Variants in LRRC8D observed in about 807,000 individuals in gnomAD.
LRRC8D encodes the protein volume-regulated anion channel subunit LRRC8D.
A neutral mutation model predicts 55.8 loss-of-function variants in LRRC8D; 20 were observed. The ratio of observed to expected loss-of-function variants is 0.36; its 90% CI spans 0.25 to 0.52. LRRC8D has a LOEUF of 0.52. Ranked by LOEUF, LRRC8D falls within the 20% of genes least tolerant of loss-of-function variation. The pLI, the probability that LRRC8D is intolerant of heterozygous loss-of-function variation, is 0.93. For missense variants in LRRC8D, 651 were observed against 1,030.8 expected, an observed-to-expected ratio of 0.63 and a Z score of 5.05; for synonymous variants, 352 against 377.0, an observed-to-expected ratio of 0.93 and a Z score of 0.77.
intron 2 of LRRC8D, among the ~76,000 whole-genome samples, chr1:89,903,874 T>C (rs1257176127): frequency 3.9e-5 from 6 of 152,236 alleles, no homozygotes; most frequent in Non-Finnish European, 8.8e-5. Context: ...TCCCAAAACA[T>C]AAATGTATTT....
chr1:89,933,064 T>C lies in LRRC8D; in HGVS notation c.-2-3T>C, dbSNP rs1489971287. ...TAATGTCTTTTGTCTTCTTGTTTTCTAGGAATGTTTACCCTTGCGGAAGTT... is the reference window on the plus strand; with the variant it reads ...TAATGTCTTTTGTCTTCTTGTTTTCCAGGAATGTTTACCCTTGCGGAAGTT... On this transcript the variant is annotated splice_region_variant and splice_polypyrimidine_tract_variant and intron_variant, in intron 2 of 2. Transcript: ENST00000337338. This position sits in a 1 kb window ranked among gnomAD's most constrained non-coding sequence, Gnocchi z 7.0. The C allele has an allele frequency of 6.3e-7, 1 of 1,598,306 alleles. No individual in the cohort carries two copies. The highest frequency in any genetic ancestry group is 2.2e-5 in the East Asian group (1 of 44,480).
At chr1:89,863,513 T>C (rs1661770330) in intron 2 of LRRC8D, among the ~76,000 whole-genome samples, 1 of 152,184 alleles carries the variant, frequency 6.6e-6, no homozygotes, top group Non-Finnish European at 1.5e-5. Context: ...ACTTTCAAGA[T>C]GCTGAAAATG....
At chr1:89,896,851 C>G (rs1662726949) in intron 2 of LRRC8D, among the ~76,000 whole-genome samples, 1 of 152,132 alleles carries the variant, frequency 6.6e-6, no homozygotes. Flanking sequence ...TAAACATATT[C>G]ACATATTCTC....
intron 1 of LRRC8D, among the ~76,000 whole-genome samples, chr1:89,825,994 A>G (rs1159381976): frequency 1.3e-5 from 2 of 152,174 alleles, no homozygotes; most frequent in African/African-American, 4.8e-5. Flanking sequence ...GGCTGTCCAG[A>G]TGGTGCAGTC....
intron 1 of LRRC8D, among the ~76,000 whole-genome samples, chr1:89,827,841 GAA>G (rs1660800012): frequency 6.6e-6 from 1 of 152,224 alleles, no homozygotes; most frequent in Admixed American, 6.5e-5. Context: ...AGGAATGAAA[GAA>G]GAGGTATACC....
chr1:89,867,388 T>C (rs908678319), intron 2 of LRRC8D, among the ~76,000 whole-genome samples: 3 of 152,242 alleles, frequency 2.0e-5, no homozygotes, highest in Non-Finnish European at 4.4e-5. Context: ...TGTATAAATA[T>C]GCCAGATTTT....
In LRRC8D at chr1:89,933,479, A is replaced by G. The variant is rs1663764503; in HGVS notation, c.411A>G (p.Arg137=). ...AKKEKKDPTG[R]KTNLDFQQYV... is the part of the protein sequence containing the mutation. ...AAGAGAAGAAAGATCCAACAGGTCG[A>G]AAAACAAACTTGGATTTTCAGCAAT... is the stretch of plus-strand genomic sequence containing the variant. The change falls in exon 3 of 3, where the codon CGA becomes CGG. Residue 137 remains arginine (R), a synonymous_variant. Transcript: ENST00000337338. This position sits in a 1 kb window ranked among gnomAD's most constrained non-coding sequence, Gnocchi z 7.0. 6.2e-7 allele frequency: 1 copy of G among 1,614,086 alleles called. No individual in the cohort carries two copies. The highest frequency in any genetic ancestry group is 1.1e-5 in the South Asian group (1 of 91,084).
rs148952467 is a variant in LRRC8D, at chr1:89,875,726, C to A, written c.-3+31944C>A. 1.1e-4 allele frequency among the ~76,000 whole-genome samples: 17 copies of A among 152,030 alleles called. No individual in the cohort carries two copies. The East Asian group carries it at 3.3e-3, about 30-fold the overall frequency. On this transcript the variant is annotated intron_variant, in intron 2 of 2. Transcript: ENST00000337338. ...TTAAATGAAATTTTTATTTATTTAACAAACACTTATAGAGGACTTACTCTA... is the reference window on the plus strand; with the variant it reads ...TTAAATGAAATTTTTATTTATTTAAAAAACACTTATAGAGGACTTACTCTA...
At chr1:89,872,457 A>G (rs1224930099) in intron 2 of LRRC8D, among the ~76,000 whole-genome samples, 1 of 152,192 alleles carries the variant, frequency 6.6e-6, no homozygotes, top group Non-Finnish European at 1.5e-5. Context: ...CCAGGACTTC[A>G]TTCTGTTATT....
chr1:89,915,115 A>G (rs1663232537), intron 2 of LRRC8D, among the ~76,000 whole-genome samples: 1 of 151,754 alleles, frequency 6.6e-6, no homozygotes, highest in South Asian at 2.1e-4. Context: ...TGAAAATGTA[A>G]ATGATTATGA....
At position 89,843,715 on chromosome 1, in the gene LRRC8D, C is replaced by A; in HGVS notation, c.-70C>A. 2 of 701,916 alleles carry A rather than the reference C, an allele frequency of 2.8e-6. No individual in the cohort carries two copies. Among genetic ancestry groups the A allele is most frequent in the Non-Finnish European group, 5.2e-6 (2 of 384,584 alleles). 43.5% of individuals were successfully genotyped at this position (701,916 alleles called of 1,614,324 possible). On this transcript the variant is annotated 5_prime_UTR_variant, in exon 2 of 3. Coordinates refer to ENST00000337338, the MANE Select transcript of LRRC8D (RefSeq NM_001134479.2). ...AGTCTCCTGTCGCCGTGGTTCCAGC[C>A]TCCGGAGCTCGCCCAAGCCGCGTCC...
rs923055566 is a variant in LRRC8D at position 89,856,031 on chromosome 1, T to C, written c.-3+12249T>C. ...AATTCAGAATGTACCTTTGGCATAT[T>C]TGAAATTGTCTTAGCCTAATGTGAC... On this transcript the variant is annotated intron_variant, in intron 2 of 2. Transcript: ENST00000337338. Among the ~76,000 whole-genome samples, 9 of 152,092 alleles carry C rather than the reference T, an allele frequency of 5.9e-5. No individual in the cohort carries two copies. In the East Asian group the frequency reaches 1.7e-3, roughly 29 times the overall value.
intron 2 of LRRC8D, among the ~76,000 whole-genome samples, chr1:89,899,048 C>G (rs1289534129): frequency 6.6e-6 from 1 of 152,212 alleles, no homozygotes; most frequent in African/African-American, 2.4e-5. Flanking sequence ...GAGATGAGCT[C>G]TTCAGCTTCG....
chr1:89,914,936 G>A (rs949576900), intron 2 of LRRC8D, among the ~76,000 whole-genome samples: 8 of 151,788 alleles, frequency 5.3e-5, no homozygotes, highest in African/African-American at 1.7e-4. Flanking sequence ...TCCATGCTCC[G>A]TCTTTTCCAA....
At chr1:89,870,463 G>A (rs1661977763) in intron 2 of LRRC8D, among the ~76,000 whole-genome samples, 1 of 151,846 alleles carries the variant, frequency 6.6e-6, no homozygotes, top group Admixed American at 6.6e-5. Flanking sequence ...GCGACAAAGC[G>A]AGACCCTGTA....
intron 2 of LRRC8D, among the ~76,000 whole-genome samples, chr1:89,863,244 C>T (rs1661765714): frequency 6.6e-6 from 1 of 152,180 alleles, no homozygotes; most frequent in Non-Finnish European, 1.5e-5. Context: ...GCATTTAGAA[C>T]AGTGACTGGC....
intron 2 of LRRC8D, among the ~76,000 whole-genome samples, chr1:89,925,457 T>C (rs967777955): frequency 2.8e-4 from 43 of 152,114 alleles, no homozygotes; most frequent in African/African-American, 9.6e-4. Flanking sequence ...CATGGAAAAA[T>C]TGTCTTCCAT....
At chr1:89,845,098 G>GGA (rs2100750174) in intron 2 of LRRC8D, among the ~76,000 whole-genome samples, 1 of 152,302 alleles carries the variant, frequency 6.6e-6, no homozygotes, top group East Asian at 1.9e-4. Context: ...AGCCATCTAA[G>GGA]GAGTCAGGGT....
chr1:89,849,504 T>C (rs63010663), intron 2 of LRRC8D, among the ~76,000 whole-genome samples: 1 of 142,438 alleles, frequency 7.0e-6, no homozygotes, highest in Non-Finnish European at 1.6e-5. Flanking sequence ...TTTTTTTTTT[T>C]AAACAAATTT....
Sources: gnomAD v4.1 joint callset for allele counts (sites outside exome capture counted in the v4.1 genomes callset) on GRCh38, gnomAD v4.1.1 for gene constraint, Gnocchi (gnomAD v3.1) non-coding constraint, MANE v1.5 for transcripts, NCBI Gene and HGNC (gene_info 2026-07-23, HGNC 2026-07-21) for gene names.